Variants in MACROD2 observed in about 807,000 individuals in gnomAD.
The protein encoded by MACROD2 is mono-ADP ribosylhydrolase 2, also known as ADP-ribose glycohydrolase MACROD2.
MACROD2 carries 36 observed loss-of-function variants against 70.4 expected under a neutral mutation model. The ratio of observed to expected loss-of-function variants is 0.51; its 90% confidence interval spans 0.39 to 0.68. The LOEUF is 0.68. Ranked by LOEUF, MACROD2 falls within the 30% of genes least tolerant of loss-of-function variation. The pLI is 0.00. For missense variants in MACROD2, 496 were observed against 538.4 expected, an observed-to-expected ratio of 0.92 and a Z score of 0.78; for synonymous variants, 172 against 178.8, an observed-to-expected ratio of 0.96 and a Z score of 0.30.
intron 4 of MACROD2, among the ~76,000 whole-genome samples, chr20:14,525,537 A>C (rs2085221212): frequency 6.6e-6 from 1 of 152,266 alleles, no homozygotes; most frequent in Non-Finnish European, 1.5e-5. Context: ...TGTAATGAAT[A>C]AATGATAAAG....
At position 14,750,317 on chromosome 20, in the gene MACROD2, G is replaced by T. The variant is rs1478388691; in HGVS notation, c.418+65358G>T. Among the ~76,000 whole-genome samples the T allele has an allele frequency of 2.6e-5, 4 of 152,052 alleles. No individual in the cohort carries two copies. The East Asian group carries it at 7.7e-4, about 29-fold the overall frequency. ...CTTTTTCAAAGTTAGTTAAAACAGT[G>T]TTGATGTTTCTCTGAATATTGTCAT... On this transcript the variant is annotated intron_variant, in intron 5 of 17. Coordinates refer to ENST00000684519, the MANE Select transcript of MACROD2 (RefSeq NM_001351661.2).
chr20:15,176,928 T>G (rs2076466626), intron 5 of MACROD2, among the ~76,000 whole-genome samples: 1 of 152,142 alleles, frequency 6.6e-6, no homozygotes, highest in Non-Finnish European at 1.5e-5. Flanking sequence ...TATATTCCCC[T>G]CATCTAGACA....
chr20:15,931,557 C>G (rs6131741), intron 10 of MACROD2, among the ~76,000 whole-genome samples: 1 of 151,716 alleles, frequency 6.6e-6, no homozygotes, highest in African/African-American at 2.4e-5. Flanking sequence ...GTGGGAGGAT[C>G]GCTTGAGTCC....
intron 6 of MACROD2, among the ~76,000 whole-genome samples, chr20:15,295,638 C>CACACACACACA (rs2077580376): frequency 1.3e-5 from 2 of 151,528 alleles, no homozygotes; most frequent in Non-Finnish European, 2.9e-5. Flanking sequence ...CATGCACACA[C>CACACACACACA]CCCAGACCTT....
At chr20:15,167,278 A>G (rs1452493431) in intron 5 of MACROD2, among the ~76,000 whole-genome samples, 1 of 152,186 alleles carries the variant, frequency 6.6e-6, no homozygotes, top group African/African-American at 2.4e-5. Context: ...TCAGGCAACT[A>G]CTTACTTCTC....
intron 6 of MACROD2, among the ~76,000 whole-genome samples, chr20:15,381,468 AG>A (rs1439781457): frequency 6.6e-6 from 1 of 151,580 alleles, no homozygotes; most frequent in African/African-American, 2.4e-5. Flanking sequence ...TGGGAGGCCG[AG>A]GTGGGTGGAT....
At chr20:14,034,330 G>T (rs961489021) in intron 2 of MACROD2, among the ~76,000 whole-genome samples, 1 of 152,072 alleles carries the variant, frequency 6.6e-6, no homozygotes, top group Non-Finnish European at 1.5e-5. Flanking sequence ...AAGTACTGTG[G>T]TTTTATTTAA....
At chr20:15,163,160 C>A (rs4813172) in intron 5 of MACROD2, among the ~76,000 whole-genome samples, 39,737 of 151,224 alleles carry the variant, frequency 0.26, 5,315 homozygotes, top group Middle Eastern at 0.36. Context: ...TCAGTGAATC[C>A]AAAGAAAAGA....
At chr20:14,043,590 T>C (rs770573193) in intron 2 of MACROD2, among the ~76,000 whole-genome samples, 7 of 152,198 alleles carry the variant, frequency 4.6e-5, no homozygotes, top group Admixed American at 1.3e-4. Context: ...CTAATACTTA[T>C]AGACTGAGTG....
intron 6 of MACROD2, among the ~76,000 whole-genome samples, chr20:15,326,630 TC>T (rs944076515): frequency 6.6e-6 from 1 of 152,100 alleles, no homozygotes; most frequent in African/African-American, 2.4e-5. Flanking sequence ...ATTGTTGGGT[TC>T]CAGGACTGAA....
chr20:15,837,270 T>A (rs149641315), intron 8 of MACROD2, among the ~76,000 whole-genome samples: 3,452 of 152,328 alleles, frequency 0.023, 63 homozygotes, highest in Middle Eastern at 0.037. Context: ...AGATTTGCTC[T>A]GTGGAACTTG....
intron 7 of MACROD2, among the ~76,000 whole-genome samples, chr20:15,440,567 G>A (rs753987111): frequency 6.6e-6 from 1 of 152,150 alleles, no homozygotes; most frequent in Admixed American, 6.5e-5. Flanking sequence ...CAGTACATCT[G>A]TCTAGAGTCA....
intron 10 of MACROD2, among the ~76,000 whole-genome samples, chr20:15,925,919 C>T (rs1339367853): frequency 6.6e-6 from 1 of 152,200 alleles, no homozygotes; most frequent in Non-Finnish European, 1.5e-5. Context: ...TGCACCCCTT[C>T]TGTTAATGGG....
intron 7 of MACROD2, among the ~76,000 whole-genome samples, chr20:15,486,016 A>G (rs749906728): frequency 4.6e-5 from 7 of 152,176 alleles, no homozygotes; most frequent in Non-Finnish European, 8.8e-5. Flanking sequence ...CTGTATAGCA[A>G]TTTGGGGAGT....
At chr20:15,233,485 TAC>T (rs576403788) in intron 6 of MACROD2, among the ~76,000 whole-genome samples, 1 of 152,214 alleles carries the variant, frequency 6.6e-6, no homozygotes, top group South Asian at 2.1e-4. Context: ...GTTATAGTCA[TAC>T]ATAATTATTT....
chr20:14,112,038 G>GA (rs905387009), intron 3 of MACROD2, among the ~76,000 whole-genome samples: 3 of 151,996 alleles, frequency 2.0e-5, no homozygotes, highest in African/African-American at 7.2e-5. Context: ...CCATAAAAAA[G>GA]AATGAGATCC....
At chr20:14,255,690 TAA>T (rs1483329896) in intron 3 of MACROD2, among the ~76,000 whole-genome samples, 1 of 69,552 alleles carries the variant, frequency 1.4e-5, no homozygotes, top group Non-Finnish European at 4.4e-5. Flanking sequence ...GTATAATAAA[TAA>T]ATAAATAAAT....
At chr20:14,331,497 T>C (rs1162396976) in intron 3 of MACROD2, among the ~76,000 whole-genome samples, 2 of 152,100 alleles carry the variant, frequency 1.3e-5, no homozygotes, top group Non-Finnish European at 2.9e-5. Context: ...AAAATGTCAT[T>C]CTCTTCTCCC....
chr20:14,787,429 A>G (rs112432789), intron 5 of MACROD2, among the ~76,000 whole-genome samples: 7,466 of 152,204 alleles, frequency 0.049, 275 homozygotes, highest in Middle Eastern at 0.22. Context: ...GTTGACAGTG[A>G]GTTCACTTGA....
Sources: gnomAD v4.1 joint callset for allele counts (sites outside exome capture counted in the v4.1 genomes callset) on GRCh38, gnomAD v4.1.1 for gene constraint, MANE v1.5 for transcripts, NCBI Gene and HGNC (gene_info 2026-07-23, HGNC 2026-07-21) for gene names.